RNGTT: variants seen among roughly 807,000 people sequenced by gnomAD.
RNGTT encodes the protein RNA guanylyltransferase and 5'-phosphatase, also known as mRNA-capping enzyme.
A neutral mutation model predicts 79.3 loss-of-function variants in RNGTT; 33 were observed. The ratio of observed to expected loss-of-function variants is 0.42; its 90% CI spans 0.32 to 0.56. The LOEUF (loss-of-function observed/expected upper bound fraction) is 0.56, where lower values mean the gene tolerates loss of function less well. Ranked by LOEUF, RNGTT falls within the 20% of genes least tolerant of loss-of-function variation. RNGTT has a pLI of 0.17. For missense variants in RNGTT, 497 were observed against 739.1 expected, an observed-to-expected ratio of 0.67 and a Z score of 3.80; for synonymous variants, 222 against 235.9, an observed-to-expected ratio of 0.94 and a Z score of 0.54.
At chr6:88,849,695 G>T in intron 10 of RNGTT, 60 bp downstream of exon 10, 1 of 1,417,292 alleles carries the variant, frequency 7.1e-7, no homozygotes, top group Non-Finnish European at 9.4e-7. Context: ...AAAGACTATT[G>T]TCAAAAATAC....
At chr6:88,632,548 C>CACAA (rs1359316624) in intron 14 of RNGTT, among the ~76,000 whole-genome samples, 2 of 135,840 alleles carry the variant, frequency 1.5e-5, no homozygotes. Context: ...CACACAGACA[C>CACAA]ACACACACAC....
chr6:88,946,531 T>C (rs981775071), intron 1 of RNGTT, among the ~76,000 whole-genome samples: 2 of 152,280 alleles, frequency 1.3e-5, no homozygotes, highest in South Asian at 4.1e-4. Context: ...TTAAGTTCAG[T>C]GAAGAAGGTA....
At chr6:88,927,659 T>C (rs574594557) in intron 4 of RNGTT, among the ~76,000 whole-genome samples, 111 of 80,808 alleles carry the variant, frequency 1.4e-3, no homozygotes, top group African/African-American at 9.4e-3. Flanking sequence ...CAAAACTCCA[T>C]CTCAAAAAAA....
chr6:88,892,410 C>T (rs1783080783), intron 6 of RNGTT, among the ~76,000 whole-genome samples: 1 of 152,100 alleles, frequency 6.6e-6, no homozygotes. Context: ...GAAGTATGGA[C>T]TTTAAGGGGA....
intron 14 of RNGTT, among the ~76,000 whole-genome samples, chr6:88,631,097 G>A (rs562354147): frequency 6.6e-6 from 1 of 152,266 alleles, no homozygotes; most frequent in African/African-American, 2.4e-5. Context: ...CAACAGAACT[G>A]CCTAACAATG....
rs376503141 is a variant in RNGTT, at chr6:88,771,350, T to TATATAC, written c.1339-1477_1339-1476insGTATAT. Among the ~76,000 whole-genome samples, 346 of 116,110 alleles carry TATATAC rather than the reference T, an allele frequency of 3.0e-3. 1 individual carries two copies. Among genetic ancestry groups the TATATAC allele is most frequent in the Admixed American group, 7.2e-3 (84 of 11,728 alleles). 76.2% of individuals were successfully genotyped at this position (116,110 alleles called of 152,430 possible). Reference sequence around the variant, plus strand: ...ATATATATATATATATATATATATATACACACACACACACACACACAATTT... The same window carrying TATATAC: ...ATATATATATATATATATATATATATATATACACACACACACACACACACACAATTT... On this transcript the variant is annotated intron_variant, in intron 12 of 15. Coordinates refer to ENST00000369485, the MANE Select transcript of RNGTT (RefSeq NM_003800.5).
At chr6:88,699,389 G>A (rs924873561) in intron 13 of RNGTT, among the ~76,000 whole-genome samples, 1 of 152,040 alleles carries the variant, frequency 6.6e-6, no homozygotes, top group African/African-American at 2.4e-5. Flanking sequence ...CAACCCATAT[G>A]CCCATCAATA....
chr6:88,738,957 T>C (rs1777376984), intron 13 of RNGTT, among the ~76,000 whole-genome samples: 1 of 152,010 alleles, frequency 6.6e-6, no homozygotes. Flanking sequence ...TTAAAATTCT[T>C]AATGTAAAAT....
At chr6:88,685,967 G>A (rs565021199) in intron 13 of RNGTT, among the ~76,000 whole-genome samples, 2 of 151,438 alleles carry the variant, frequency 1.3e-5, no homozygotes, top group East Asian at 3.9e-4. Flanking sequence ...GGAAAAACAT[G>A]ATCTAAGGTT....
At chr6:88,706,947 CCTG>C (rs1776149092) in intron 13 of RNGTT, among the ~76,000 whole-genome samples, 1 of 152,100 alleles carries the variant, frequency 6.6e-6, no homozygotes, top group Non-Finnish European at 1.5e-5. Context: ...CATTAAAATA[CCTG>C]TTGTTAATAT....
intron 12 of RNGTT, among the ~76,000 whole-genome samples, chr6:88,785,127 G>T (rs1779185927): frequency 6.6e-6 from 1 of 151,892 alleles, no homozygotes; most frequent in African/African-American, 2.4e-5. Flanking sequence ...TTAATAAAAA[G>T]AACTATCCCT....
At chr6:88,649,628 T>G (rs1582278770) in intron 14 of RNGTT, among the ~76,000 whole-genome samples, 1 of 150,504 alleles carries the variant, frequency 6.6e-6, no homozygotes, top group African/African-American at 2.4e-5. Flanking sequence ...ACCCGGGAGG[T>G]GGAGCTTGCA....
chr6:88,922,488 T>C (rs1413596009), intron 4 of RNGTT, among the ~76,000 whole-genome samples: 1 of 152,114 alleles, frequency 6.6e-6, no homozygotes, highest in Non-Finnish European at 1.5e-5. Context: ...TAACGTCATC[T>C]AGAACCTAGT....
At chr6:88,872,355 C>T (rs1562295735) in intron 8 of RNGTT, among the ~76,000 whole-genome samples, 1 of 152,030 alleles carries the variant, frequency 6.6e-6, no homozygotes, top group Admixed American at 6.6e-5. Context: ...GAAATGACAA[C>T]AGCCCTGGCC....
intron 14 of RNGTT, among the ~76,000 whole-genome samples, chr6:88,663,684 AC>A (rs1210347345): frequency 6.6e-6 from 1 of 152,170 alleles, no homozygotes; most frequent in Non-Finnish European, 1.5e-5. Context: ...CAAGGTGTGC[AC>A]ACCCCAAGGC....
chr6:88,668,320 G>A (rs573620950), intron 14 of RNGTT, among the ~76,000 whole-genome samples: 4 of 152,070 alleles, frequency 2.6e-5, no homozygotes, highest in Admixed American at 6.6e-5. Flanking sequence ...GACCAAGCCC[G>A]GACAATCCCT....
chr6:88,844,602 C>T (rs986463155), intron 10 of RNGTT, 81 bp from the exon 11 acceptor site: 27 of 1,321,724 alleles, frequency 2.0e-5, no homozygotes, highest in Non-Finnish European at 2.6e-5. Context: ...CCACAATGTA[C>T]ATAATAGTCT....
At chr6:88,878,389 G>A (rs1016564221) in intron 8 of RNGTT, among the ~76,000 whole-genome samples, 1 of 151,994 alleles carries the variant, frequency 6.6e-6, no homozygotes, top group African/African-American at 2.4e-5. Flanking sequence ...GAGCCACCAC[G>A]CCCAGCCAAA....
chr6:88,741,877 C>A (rs1367300040), intron 13 of RNGTT, among the ~76,000 whole-genome samples: 1 of 152,046 alleles, frequency 6.6e-6, no homozygotes, highest in Admixed American at 6.6e-5. Context: ...TTGCAAATAA[C>A]CCCAAATAAT....
Sources: gnomAD v4.1 joint callset for allele counts (sites outside exome capture counted in the v4.1 genomes callset) on GRCh38, gnomAD v4.1.1 for gene constraint, MANE v1.5 for transcripts, NCBI Gene and HGNC (gene_info 2026-07-23, HGNC 2026-07-21) for gene names.